The following RNF125 variants were observed in gnomAD, a reference collection of about 807,000 sequenced individuals.
RNF125 encodes the protein ring finger protein 125, also known as E3 ubiquitin-protein ligase RNF125.
RNF125 carries 21 observed loss-of-function variants against 26.0 expected under a neutral mutation model. That is an observed-to-expected ratio of 0.81 (90% CI 0.57 to 1.16). The LOEUF is 1.16. Among genes scored for constraint, RNF125 ranks in the 50% most tolerant of loss-of-function variants. The probability of loss-of-function intolerance (pLI) is 0.00; values close to 1 mark genes in which losing one functional copy is unlikely to be tolerated. For synonymous variants in RNF125, 95 were observed against 109.2 expected (o/e 0.87, Z 0.81); for missense variants, 270 against 299.4 (o/e 0.90, Z 0.72).
intron 1 of RNF125, among the ~76,000 whole-genome samples, chr18:32,033,978 A>C (rs1420716736): frequency 6.6e-6 from 1 of 152,096 alleles, no homozygotes; most frequent in East Asian, 1.9e-4. Context: ...TTAAAAAAAA[A>C]AAAAAGAAAA....
intron 4 of RNF125, among the ~76,000 whole-genome samples, chr18:32,063,619 A>G (rs2039455249): frequency 6.6e-6 from 1 of 152,216 alleles, no homozygotes; most frequent in African/African-American, 2.4e-5. Context: ...AAACATTTGT[A>G]CACAAATATT....
Position 32,037,169 on chromosome 18 carries a change from C to T in RNF125, c.218C>T (p.Pro73Leu). 1 of 1,607,430 alleles carries T rather than the reference C, an allele frequency of 6.2e-7. No homozygotes were observed. Among genetic ancestry groups the T allele is most frequent in the Non-Finnish European group, 8.5e-7 (1 of 1,177,672 alleles). The change falls in exon 2 of 6, where the codon CCT becomes CTT. Residue 73 changes from proline to leucine, a missense_variant. Transcript: ENST00000217740. ...TSLKNNKWTC[P>L]YCRAYLPSEG... ...CTAAAGAACAACAAGTGGACCTGTC[C>T]TTATTGCCGGGCATATCTTCCTTCA...
chr18:32,026,114 G>A (rs980480930), intron 1 of RNF125, among the ~76,000 whole-genome samples: 6 of 149,934 alleles, frequency 4.0e-5, no homozygotes, highest in African/African-American at 1.5e-4. Flanking sequence ...GCCCACGCTG[G>A]AGTGCAACAG....
At chr18:32,043,674 A>G (rs1007580229) in intron 3 of RNF125, among the ~76,000 whole-genome samples, 5 of 152,216 alleles carry the variant, frequency 3.3e-5, no homozygotes, top group Non-Finnish European at 7.3e-5. Context: ...TTAAAAATAT[A>G]TGAAAGCTAA....
At chr18:32,037,749 CCAATCAGTGCTCTGTAAAACGCAT>C (rs1284006317) in intron 2 of RNF125, among the ~76,000 whole-genome samples, 2 of 152,066 alleles carry the variant, frequency 1.3e-5, no homozygotes, top group Admixed American at 6.6e-5. Flanking sequence ...GTAAAATGCA[CCAATCAGTGCTCTGTAAAACGCAT>C]CAATCAGTGC....
At chr18:32,023,057 A>G (rs2144428082) in intron 1 of RNF125, among the ~76,000 whole-genome samples, 1 of 152,144 alleles carries the variant, frequency 6.6e-6, no homozygotes, top group South Asian at 2.1e-4. Context: ...ATCATGGCTC[A>G]CTGCAGCCTC....
chr18:32,059,535 TGAG>T (rs1455707122), intron 4 of RNF125, among the ~76,000 whole-genome samples: 6 of 152,220 alleles, frequency 3.9e-5, no homozygotes, highest in African/African-American at 1.4e-4. Flanking sequence ...CCTTGTCAGA[TGAG>T]GAGTTTGCAA....
At position 32,065,955 on chromosome 18, in the gene RNF125, C is replaced by T. The variant is rs1300826744; in HGVS notation, c.558C>T (p.Gly186=). 6.2e-7 allele frequency: 1 copy of T among 1,613,646 alleles called. No individual in the cohort carries two copies. Among genetic ancestry groups the T allele is most frequent in the Admixed American group, 1.7e-5 (1 of 60,016 alleles). Residue 186 remains glycine, a synonymous_variant, in exon 5 of 6, where the codon GGC becomes GGT. Coordinates refer to ENST00000217740, the MANE Select transcript of RNF125 (RefSeq NM_017831.4). ...IPDENPSSFS[G]SLIRHLQVSH... The stretch of plus-strand genomic sequence containing the variant: ...ATGAGAATCCAAGCAGCTTCAGTGG[C>T]AGTTTAATAAGACATCTGCAAGTTA...
At position 32,065,954 on chromosome 18, in the gene RNF125, G is replaced by T; in HGVS notation, c.557G>T (p.Gly186Val). The T allele has an allele frequency of 1.2e-6, 2 of 1,613,794 alleles. No individual in the cohort carries two copies. ...IPDENPSSFS[G>V]SLIRHLQVSH... ...GATGAGAATCCAAGCAGCTTCAGTG[G>T]CAGTTTAATAAGACATCTGCAAGTT... The change falls in exon 5 of 6, where the codon GGC (glycine) becomes GTC (valine). Residue 186 changes from glycine to valine, a missense_variant. Gly to Val is a moderately radical substitution (Grantham distance 109). Transcript: ENST00000217740.
intron 1 of RNF125, among the ~76,000 whole-genome samples, chr18:32,033,962 A>G (rs1218446901): frequency 6.6e-6 from 1 of 150,642 alleles, no homozygotes; most frequent in Non-Finnish European, 1.5e-5. Context: ...TGCTAACAAC[A>G]TACCTTTAAA....
At chr18:32,026,041 A>G (rs1485929987) in intron 1 of RNF125, among the ~76,000 whole-genome samples, 1 of 151,102 alleles carries the variant, frequency 6.6e-6, no homozygotes, top group Non-Finnish European at 1.5e-5. Flanking sequence ...GCTTTTGACC[A>G]CAGAGCCATC....
intron 2 of RNF125, among the ~76,000 whole-genome samples, chr18:32,041,192 G>A (rs1205794549): frequency 1.3e-5 from 2 of 152,162 alleles, no homozygotes; most frequent in African/African-American, 4.8e-5. Flanking sequence ...GATCCCTCAT[G>A]GTTAGGCTCT....
chr18:32,035,307 A>G (rs2039142049), intron 1 of RNF125, among the ~76,000 whole-genome samples: 1 of 152,226 alleles, frequency 6.6e-6, no homozygotes, highest in South Asian at 2.1e-4. Context: ...TTGATAACAG[A>G]TGCAGAAGAG....
the RNF125 span, among the ~76,000 whole-genome samples, chr18:32,080,919 G>A: frequency 2.6e-5 from 4 of 152,158 alleles, no homozygotes; most frequent in Admixed American, 6.5e-5. Flanking sequence ...GGGCGCGGTG[G>A]TTTACGCCTG....
chr18:32,036,010 C>T lies in RNF125; in HGVS notation c.165-1106C>T, dbSNP rs2039149507. ...TCTACTAAAAACACAAAAAATTGGC[C>T]AGGCGTGGTGGTGGGTGCCAGTAAT... is the stretch of plus-strand genomic sequence containing the variant. On this transcript the variant is annotated intron_variant, in intron 1 of 5. Transcript: ENST00000217740. Among the ~76,000 whole-genome samples, 4 of 152,008 alleles carry T rather than the reference C, an allele frequency of 2.6e-5. No homozygotes were observed. The South Asian group carries it at 8.3e-4, about 32-fold the overall frequency.
the RNF125 span, among the ~76,000 whole-genome samples, chr18:32,085,590 A>G: frequency 1.3e-4 from 19 of 149,668 alleles, no homozygotes; most frequent in Non-Finnish European, 2.5e-4. Context: ...AATCTCAGCT[A>G]CTTGGGAGGC....
intron 3 of RNF125, 82 bp downstream of exon 3, chr18:32,042,355 T>C (rs2039229514): frequency 1.2e-6 from 1 of 835,348 alleles, no homozygotes; most frequent in Admixed American, 2.7e-5. Flanking sequence ...TTTAACATTC[T>C]TATGAAAATA....
At chr18:32,074,253 G>A (rs935052630), downstream of RNF125, among the ~76,000 whole-genome samples, 44 of 152,244 alleles carry the variant, frequency 2.9e-4, no homozygotes, top group African/African-American at 9.1e-4. Context: ...CTGCTGAGTT[G>A]GCTACACAGG....
chr18:32,045,867 C>A, intron 4 of RNF125, 135 bp downstream of exon 4: 1 of 565,284 alleles, frequency 1.8e-6, no homozygotes, highest in Non-Finnish European at 3.1e-6. Context: ...AACTCTGTGA[C>A]TGTTTACAAT....
Sources: allele counts gnomAD v4.1 joint callset (sites outside exome capture counted in the v4.1 genomes callset), GRCh38; gene constraint gnomAD v4.1.1; transcripts MANE v1.5; gene names NCBI Gene and HGNC (gene_info 2026-07-23, HGNC 2026-07-21).